Variants in GULP1 observed in about 807,000 individuals in gnomAD.
GULP1 encodes the protein PTB domain-containing engulfment adapter protein 1.
In GULP1, 19 loss-of-function variants were observed where a neutral mutation model predicts 40.9. That is an observed-to-expected ratio of 0.46 (90% CI 0.32 to 0.68). The LOEUF is 0.68. GULP1 is among the 30% of genes least tolerant of loss of function. GULP1 has a pLI of 0.03. For synonymous variants in GULP1, 119 were observed against 117.6 expected (o/e 1.01, Z -0.08); for missense variants, 312 against 362.2 (o/e 0.86, Z 1.12).
chr2:188,464,585 C>T (rs2059964658), intron 2 of GULP1, among the ~76,000 whole-genome samples: 1 of 152,206 alleles, frequency 6.6e-6, no homozygotes, highest in Non-Finnish European at 1.5e-5. Flanking sequence ...TGTGTTCTTT[C>T]CTTTAGGGCA....
intron 1 of GULP1, among the ~76,000 whole-genome samples, chr2:188,306,880 A>C (rs929735634): frequency 1.3e-5 from 2 of 152,188 alleles, no homozygotes; most frequent in African/African-American, 4.8e-5. Flanking sequence ...GACCATGGGA[A>C]ATGACTTCAT....
intron 3 of GULP1, 62 bp downstream of exon 3, chr2:188,477,792 C>T (rs889051426): frequency 7.4e-5 from 91 of 1,236,590 alleles, no homozygotes; most frequent in Non-Finnish European, 9.6e-5. Flanking sequence ...ACATAAGCAG[C>T]GATGTTAAGA....
chr2:188,562,541 CAA>C (rs2153414978), intron 7 of GULP1, among the ~76,000 whole-genome samples: 1 of 152,082 alleles, frequency 6.6e-6, no homozygotes, highest in South Asian at 2.1e-4. Context: ...AAAAATGAAA[CAA>C]AATCTAACAG....
At chr2:188,586,169 C>T (rs1352945494) in intron 10 of GULP1, among the ~76,000 whole-genome samples, 2 of 152,010 alleles carry the variant, frequency 1.3e-5, no homozygotes, top group African/African-American at 4.8e-5. Flanking sequence ...TCCAGTAACA[C>T]CTTGATAGAT....
At chr2:188,523,857 A>C (rs1298546892) in intron 5 of GULP1, among the ~76,000 whole-genome samples, 1 of 152,226 alleles carries the variant, frequency 6.6e-6, no homozygotes, top group African/African-American at 2.4e-5. Flanking sequence ...TTTATATGAG[A>C]ATATTTTACT....
intron 1 of GULP1, among the ~76,000 whole-genome samples, chr2:188,350,653 A>T (rs1051541375): frequency 6.6e-6 from 1 of 151,892 alleles, no homozygotes; most frequent in Non-Finnish European, 1.5e-5. Context: ...TTCAATGTGG[A>T]TGGCTTTTTT....
intron 9 of GULP1, among the ~76,000 whole-genome samples, chr2:188,583,640 C>T (rs1701771844): frequency 6.6e-6 from 1 of 152,136 alleles, no homozygotes; most frequent in Non-Finnish European, 1.5e-5. Flanking sequence ...GGGCAGTACA[C>T]TGGCGATTAT....
At chr2:188,308,886 G>A (rs4591312) in intron 1 of GULP1, among the ~76,000 whole-genome samples, 73,637 of 151,920 alleles carry the variant, frequency 0.48, 18,446 homozygotes, top group East Asian at 0.72. Flanking sequence ...AGTATCTGCC[G>A]TGGTACTTGT....
At chr2:188,389,313 A>C (rs575247290) in intron 2 of GULP1, among the ~76,000 whole-genome samples, 29 of 152,332 alleles carry the variant, frequency 1.9e-4, no homozygotes, top group Non-Finnish European at 2.8e-4. Context: ...ATTGAGGATT[A>C]ATTAAGGATT....
chr2:188,569,347 C>T lies in GULP1; in HGVS notation c.508C>T (p.Gln170Ter). 5 of 1,480,172 alleles carry T rather than the reference C, an allele frequency of 3.4e-6. No individual in the cohort carries two copies. The highest frequency in any genetic ancestry group is 4.7e-6 in the Non-Finnish European group (5 of 1,058,600). The allele number at this position is 1,480,172 out of a possible 1,614,324, so 91.7% of individuals were successfully genotyped here. Residue 170 changes from glutamine (Q) to a stop codon, truncating the protein, a stop_gained, in exon 8 of 12, where the codon CAA becomes TAA. Coordinates refer to ENST00000409830, the MANE Select transcript of GULP1 (RefSeq NM_016315.4). LOFTEE classifies it high-confidence loss of function. ...AACAAGAAAACAGATCGCAGGGTTA[C>T]AAAAAAGAGTGAGTAAACTAAGCTT... is the stretch of plus-strand genomic sequence containing the variant. The part of the protein sequence containing the change: ...VETRKQIAGL[Q>*]KRIQDLETEN...
intron 1 of GULP1, among the ~76,000 whole-genome samples, chr2:188,376,188 G>T (rs1158581606): frequency 2.0e-5 from 3 of 152,072 alleles, no homozygotes; most frequent in African/African-American, 7.2e-5. Flanking sequence ...TAAACTAAAT[G>T]CAAAGATGAT....
At chr2:188,421,388 A>T (rs2055389188) in intron 2 of GULP1, among the ~76,000 whole-genome samples, 1 of 152,136 alleles carries the variant, frequency 6.6e-6, no homozygotes, top group African/African-American at 2.4e-5. Context: ...GCATTCATGT[A>T]TGTATTCATA....
At chr2:188,555,749 C>A (rs2153390663) in intron 7 of GULP1, among the ~76,000 whole-genome samples, 1 of 152,190 alleles carries the variant, frequency 6.6e-6, no homozygotes, top group African/African-American at 2.4e-5. Flanking sequence ...ATATTTATAT[C>A]TCCTGCTAGA....
At chr2:188,448,322 C>A (rs898233944) in intron 2 of GULP1, among the ~76,000 whole-genome samples, 1 of 152,076 alleles carries the variant, frequency 6.6e-6, no homozygotes, top group African/African-American at 2.4e-5. Flanking sequence ...GCTATTCCAA[C>A]TTTTGTTCTC....
Position 188,368,923 on chromosome 2 carries a change from GTATATATATATGTGTGTA to G in GULP1, c.-171-14828_-171-14811del, listed in dbSNP as rs1209875429. On this transcript the variant is annotated intron_variant, in intron 1 of 11. Transcript: ENST00000409830. ...ATTAATAGATAGAATATATATATAT[GTATATATATATGTGTGTA>G]TATATATATATATATATATATATAT... is the stretch of plus-strand genomic sequence containing the variant. Among the ~76,000 whole-genome samples, 138 of 107,530 alleles carry G rather than the reference GTATATATATATGTGTGTA, an allele frequency of 1.3e-3. 1 individual carries two copies. The highest frequency in any genetic ancestry group is 4.7e-3 in the African/African-American group (134 of 28,780). 70.5% of individuals were successfully genotyped at this position (107,530 alleles called of 152,430 possible). A position where few individuals can be genotyped will look rare whatever the true frequency, so the allele number is the denominator to read the frequency against.
intron 2 of GULP1, among the ~76,000 whole-genome samples, chr2:188,468,685 G>A (rs2060333124): frequency 6.6e-6 from 1 of 152,132 alleles, no homozygotes; most frequent in African/African-American, 2.4e-5. Context: ...ATTTTGAAAG[G>A]AAAATTTGAA....
chr2:188,349,185 G>A (rs965105380), intron 1 of GULP1, among the ~76,000 whole-genome samples: 2 of 152,080 alleles, frequency 1.3e-5, no homozygotes, highest in Non-Finnish European at 2.9e-5. Flanking sequence ...TCCACAGTTT[G>A]TCTATTTTGA....
At chr2:188,396,106 G>A (rs1356934673) in intron 2 of GULP1, among the ~76,000 whole-genome samples, 2 of 152,240 alleles carry the variant, frequency 1.3e-5, no homozygotes, top group African/African-American at 2.4e-5. Flanking sequence ...TTGGCCTCCA[G>A]CCAGGAGGTG....
Position 188,587,816 on chromosome 2 carries a change from CTTG to C in GULP1, c.749-36_749-34del, listed in dbSNP as rs746171156. The C allele has an allele frequency of 1.0e-4, 114 of 1,109,242 alleles. No homozygotes were observed. In the South Asian group the frequency reaches 1.4e-3, roughly 14 times the overall value. 68.7% of individuals were successfully genotyped at this position (1,109,242 alleles called of 1,614,324 possible). On this transcript the variant is annotated intron_variant, in intron 10 of 11. Coordinates refer to ENST00000409830, the MANE Select transcript of GULP1 (RefSeq NM_016315.4). The stretch of plus-strand genomic sequence containing the variant: ...AAATCTAACTAACTCCAGCTCACTT[CTTG>C]TTATTTCATTTACTAAATTATTTCC...
Sources: gnomAD v4.1 joint callset for allele counts (sites outside exome capture counted in the v4.1 genomes callset) on GRCh38, gnomAD v4.1.1 for gene constraint, MANE v1.5 for transcripts, NCBI Gene and HGNC (gene_info 2026-07-23, HGNC 2026-07-21) for gene names.